CRMP1: variants seen among roughly 807,000 people sequenced by gnomAD.
The protein encoded by CRMP1 is collapsin response mediator protein 1.
CRMP1 carries 19 observed loss-of-function variants against 68.3 expected under a neutral mutation model. The observed-to-expected ratio is 0.28, with a 90% CI of 0.19 to 0.41. The LOEUF (loss-of-function observed/expected upper bound fraction) is 0.41. Ranked by LOEUF, CRMP1 falls within the 10% of genes least tolerant of loss-of-function variation. The pLI, the probability that CRMP1 is intolerant of heterozygous loss-of-function variation, is 1.00. For missense variants in CRMP1, 791 were observed against 967.4 expected, an observed-to-expected ratio of 0.82 and a Z score of 2.42; for synonymous variants, 439 against 399.6, an observed-to-expected ratio of 1.10 and a Z score of -1.18.
chr4:5,876,479 C>T (rs1714842415), intron 1 of CRMP1, among the ~76,000 whole-genome samples: 2 of 152,118 alleles, frequency 1.3e-5, no homozygotes, highest in Admixed American at 6.5e-5. Context: ...ACTAACTGAC[C>T]AGTCTCTTCT....
chr4:5,887,832 G>A lies in CRMP1; in HGVS notation c.381+4757C>T, dbSNP rs1170957267. ...GGTGCATGGGCCGGACGGTGCGGGG[G>A]CCGAGCCAAGGAGGCTCAGCTCACC... On this transcript the variant is annotated intron_variant, in intron 1 of 13. Coordinates refer to ENST00000324989, the MANE Select transcript of CRMP1 (RefSeq NM_001014809.3). 4.0e-6 allele frequency: 4 copies of A among 998,874 alleles called. No homozygotes were observed. The East Asian group carries it at 4.1e-4, about 103-fold the overall frequency. 61.9% of individuals were successfully genotyped at this position (998,874 alleles called of 1,614,324 possible).
Position 5,825,892 on chromosome 4 carries a change from C to T in CRMP1, c.1804-233G>A, listed in dbSNP as rs1190208402. On this transcript the variant is annotated intron_variant, in intron 12 of 13. Transcript: ENST00000324989. The surrounding 1 kb of genome is among the most constrained non-coding windows in gnomAD (Gnocchi z 4.4). The stretch of plus-strand genomic sequence containing the variant: ...ACACATCTACATACCCACATGCATA[C>T]ACATACAGACGCACACACCACGCAC... 3 of 511,000 alleles carry T rather than the reference C, an allele frequency of 5.9e-6. No homozygotes were observed. Among genetic ancestry groups the T allele is most frequent in the Admixed American group, 8.0e-5 (2 of 25,000 alleles). 31.7% of individuals were successfully genotyped at this position (511,000 alleles called of 1,614,324 possible). A position where few individuals can be genotyped will look rare whatever the true frequency, so the allele number is the denominator to read the frequency against.
At chr4:5,832,881 CAG>C (rs1720473096) in intron 11 of CRMP1, among the ~76,000 whole-genome samples, 2 of 152,274 alleles carry the variant, frequency 1.3e-5, no homozygotes, top group South Asian at 4.1e-4. Flanking sequence ...TATTTGGAAA[CAG>C]AGATTTTGCA....
rs1446546814 is a variant in CRMP1, at chr4:5,892,981, G to A, written c.-12C>T. Reference sequence around the variant, plus strand: ...CGCCGGTCCGCCATACCCGTCCAAGGCCGGCCACCCACCGCGCTCCCGCCT... The same window carrying A: ...CGCCGGTCCGCCATACCCGTCCAAGACCGGCCACCCACCGCGCTCCCGCCT... On this transcript the variant is annotated 5_prime_UTR_variant, in exon 1 of 14. Transcript: ENST00000324989. The surrounding 1 kb of genome is among the most constrained non-coding windows in gnomAD (Gnocchi z 8.6). 17 of 1,177,658 alleles carry A rather than the reference G, an allele frequency of 1.4e-5. No individual in the cohort carries two copies. The East Asian group carries it at 4.5e-4, about 31-fold the overall frequency. The allele number at this position is 1,177,658 out of a possible 1,614,324, so 73.0% of individuals were successfully genotyped here. A position where few individuals can be genotyped will look rare whatever the true frequency, so the allele number is the denominator to read the frequency against.
Position 5,837,650 on chromosome 4 carries a change from TAATAAAATAA to T in CRMP1, c.1311-754_1311-745del, listed in dbSNP as rs376152936. 1.7e-3 allele frequency among the ~76,000 whole-genome samples: 223 copies of T among 134,858 alleles called. 1 individual carries two copies. Among genetic ancestry groups the T allele is most frequent in the Middle Eastern group, 7.1e-3 (2 of 280 alleles). 88.5% of individuals were successfully genotyped at this position (134,858 alleles called of 152,430 possible). On this transcript the variant is annotated intron_variant, in intron 9 of 13. Transcript: ENST00000324989. ...TCTCAAAAAATAAAATAAAATAAAA[TAATAAAATAA>T]AATAAAATAAAATAAAATAAATAAA...
rs1188599728 is a variant in CRMP1, at chr4:5,825,534, T to G, written c.1929A>C (p.Pro643=). The part of the protein sequence containing the change: ...AKSSPSKHQP[P]PIRNLHQSNF... ...TGGACTGGTGGAGGTTTCTGATGGG[T>G]GGGGGCTGGTGTTTAGAAGGCGAAG... Residue 643 remains proline, a synonymous_variant, in exon 13 of 14, where the codon CCA becomes CCC. Coordinates refer to ENST00000324989, the MANE Select transcript of CRMP1 (RefSeq NM_001014809.3). This position sits in a 1 kb window ranked among gnomAD's most constrained non-coding sequence, Gnocchi z 4.4. 1.3e-6 allele frequency: 2 copies of G among 1,586,822 alleles called. No homozygotes were observed. The highest frequency in any genetic ancestry group is 1.4e-5 in the African/African-American group (1 of 72,884).
chr4:5,858,666 G>A lies in CRMP1; in HGVS notation c.656-2359C>T, dbSNP rs146523788. 2.3e-4 allele frequency among the ~76,000 whole-genome samples: 35 copies of A among 152,136 alleles called. No individual in the cohort carries two copies. The highest frequency in any genetic ancestry group is 8.4e-4 in the African/African-American group (35 of 41,482). On this transcript the variant is annotated intron_variant, in intron 3 of 13. Transcript: ENST00000324989. The surrounding 1 kb of genome is among the most constrained non-coding windows in gnomAD (Gnocchi z 5.5). The stretch of plus-strand genomic sequence containing the variant: ...ATCCCATCCAGGCCACTCTATTACC[G>A]GTCTCTCCAAAACACAGAACAGTTC...
intron 12 of CRMP1, among the ~76,000 whole-genome samples, chr4:5,827,733 G>GCGCGCACA (rs1553902552): frequency 1.5e-4 from 21 of 138,276 alleles, no homozygotes; most frequent in African/African-American, 6.0e-4. Context: ...ATGTGCGCGT[G>GCGCGCACA]CACACACACA....
intron 1 of CRMP1, chr4:5,887,472 C>T: frequency 3.0e-6 from 3 of 985,560 alleles, no homozygotes; most frequent in Non-Finnish European, 3.6e-6. Flanking sequence ...GGGCCAGCTC[C>T]TGACCGCTGC....
chr4:5,878,258 T>C (rs981708529), intron 1 of CRMP1, among the ~76,000 whole-genome samples: 10 of 147,306 alleles, frequency 6.8e-5, no homozygotes, highest in African/African-American at 2.5e-4. Context: ...GTGAGACTAG[T>C]ACAGTGTTCT....
chr4:5,884,656 C>T (rs1715450826), intron 1 of CRMP1, among the ~76,000 whole-genome samples: 2 of 152,166 alleles, frequency 1.3e-5, no homozygotes, highest in African/African-American at 2.4e-5. Flanking sequence ...ACCTAGGCTG[C>T]CTTTCTCACA....
rs1361312636 is a variant in CRMP1 at position 5,854,100 on chromosome 4, A to G, written c.820+2043T>C. ...CCCATCTCAGTGAGGGGCGTCCTAA[A>G]CGACCATTTGCTTAAGGCGGCAACC... On this transcript the variant is annotated intron_variant, in intron 4 of 13. Coordinates refer to ENST00000324989, the MANE Select transcript of CRMP1 (RefSeq NM_001014809.3). The surrounding 1 kb of genome is among the most constrained non-coding windows in gnomAD (Gnocchi z 4.0). Among the ~76,000 whole-genome samples, 1 of 152,202 alleles carries G rather than the reference A, an allele frequency of 6.6e-6. No individual in the cohort carries two copies. The highest frequency in any genetic ancestry group is 1.5e-5 in the Non-Finnish European group (1 of 68,038).
chr4:5,826,094 A>G (rs1249354491), intron 12 of CRMP1: 1 of 240,442 alleles, frequency 4.2e-6, no homozygotes, highest in South Asian at 4.9e-5. Context: ...ACACACACTC[A>G]TACAGGTATA....
At chr4:5,862,550 T>C (rs1012323521) in intron 2 of CRMP1, among the ~76,000 whole-genome samples, 1 of 152,154 alleles carries the variant, frequency 6.6e-6, no homozygotes, top group African/African-American at 2.4e-5. Context: ...AACAGCGTCT[T>C]CTAAGCGCAT....
rs1023849357 is a variant in CRMP1, at chr4:5,881,533, C to T, written c.381+11056G>A. On this transcript the variant is annotated intron_variant, in intron 1 of 13. Transcript: ENST00000324989. This position sits in a 1 kb window ranked among gnomAD's most constrained non-coding sequence, Gnocchi z 4.6. ...TCATAGCTCTGATTGCACTTGGTTA[C>T]CATTCAGCACCGTGGTGCTGTCCAC... is the stretch of plus-strand genomic sequence containing the variant. Among the ~76,000 whole-genome samples the T allele has an allele frequency of 6.6e-6, 1 of 152,148 alleles. No homozygotes were observed. The highest frequency in any genetic ancestry group is 1.5e-5 in the Non-Finnish European group (1 of 68,018).
rs375841716 is a variant in CRMP1, at chr4:5,821,641, C to T, written c.*119G>A. Reference sequence around the variant, plus strand: ...AACAGAAAAGGGAAAGAGCATCCTTCGACTTCCCCCTCCCTCCATCAGCAC... The same window carrying T: ...AACAGAAAAGGGAAAGAGCATCCTTTGACTTCCCCCTCCCTCCATCAGCAC... On this transcript the variant is annotated 3_prime_UTR_variant, in exon 14 of 14. Coordinates refer to ENST00000324989, the MANE Select transcript of CRMP1 (RefSeq NM_001014809.3). This position sits in a 1 kb window ranked among gnomAD's most constrained non-coding sequence, Gnocchi z 4.4. 4.7e-4 allele frequency: 437 copies of T among 928,680 alleles called. 1 individual carries two copies. The African/African-American group carries it at 5.4e-3, about 11-fold the overall frequency. The allele number at this position is 928,680 out of a possible 1,614,324, so 57.5% of individuals were successfully genotyped here. A position where few individuals can be genotyped will look rare whatever the true frequency, so the allele number is the denominator to read the frequency against.
At chr4:5,887,268 G>T in intron 1 of CRMP1, 2 of 833,522 alleles carry the variant, frequency 2.4e-6, no homozygotes, top group Non-Finnish European at 2.9e-6. Context: ...GACTGTCCAG[G>T]AGCCTGAATT....
At chr4:5,884,437 C>T (rs930445063) in intron 1 of CRMP1, among the ~76,000 whole-genome samples, 1 of 151,716 alleles carries the variant, frequency 6.6e-6, no homozygotes, top group Non-Finnish European at 1.5e-5. Context: ...CAGACATACA[C>T]TTACATTTAC....
chr4:5,892,727 G>T lies in CRMP1; in HGVS notation c.243C>A (p.Ser81Arg). ...DAVGLPGPGG[S>R]EDTASDVSEP... is the part of the protein sequence containing the mutation. ...CGCTCACGTCGCTGGCCGTGTCCTC[G>T]CTGCCTCCCGGCCCTGGCAGCCCGA... Residue 81 changes from serine to arginine, a missense_variant, in exon 1 of 14, where the codon AGC (serine) becomes AGA (arginine). Ser to Arg is a moderately radical substitution (Grantham distance 110). Around this residue, in one of 3 missense-constraint regions of CRMP1, gnomAD observed 193 missense variants for 186.3 expected, o/e 1.04. Transcript: ENST00000324989. This position sits in a 1 kb window ranked among gnomAD's most constrained non-coding sequence, Gnocchi z 8.6. The T allele has an allele frequency of 2.4e-6, 3 of 1,228,508 alleles. No homozygotes were observed. Among genetic ancestry groups the T allele is most frequent in the South Asian group, 3.4e-5 (1 of 29,798 alleles). The allele number at this position is 1,228,508 out of a possible 1,614,324, so 76.1% of individuals were successfully genotyped here. A position where few individuals can be genotyped will look rare whatever the true frequency, so the allele number is the denominator to read the frequency against.
Sources: gnomAD v4.1 joint callset for allele counts (sites outside exome capture counted in the v4.1 genomes callset) on GRCh38, gnomAD v4.1.1 for gene constraint, gnomAD v4.1.1 regional missense constraint, Gnocchi (gnomAD v3.1) non-coding constraint, MANE v1.5 for transcripts, NCBI Gene and HGNC (gene_info 2026-07-23, HGNC 2026-07-21) for gene names.